Variants in PLAGL1 observed in about 807,000 individuals in gnomAD.
PLAGL1 encodes the protein zinc finger protein PLAGL1.
Under a neutral mutation model 4.6 loss-of-function variants are expected in PLAGL1, and 1 was observed. The observed-to-expected ratio is 0.22, with a 90% CI of 0.08 to 1.03. The LOEUF (loss-of-function observed/expected upper bound fraction) is 1.03. Ranked by LOEUF, PLAGL1 falls within the 50% of genes least tolerant of loss-of-function variation. PLAGL1 has a pLI of 0.58. For synonymous variants in PLAGL1, 240 were observed against 237.8 expected, an observed-to-expected ratio of 1.01 and a Z score of -0.08; for missense variants, 464 against 570.4, an observed-to-expected ratio of 0.81 and a Z score of 1.90.
At chr6:143,998,651 C>T (rs7762338) in intron 1 of PLAGL1, among the ~76,000 whole-genome samples, 7,486 of 151,782 alleles carry the variant, frequency 0.049, 564 homozygotes, top group African/African-American at 0.16. Flanking sequence ...AGATTGGTGA[C>T]GAAAGGTAAG....
chr6:144,019,790 T>A (rs1179422391), intron 1 of PLAGL1, among the ~76,000 whole-genome samples: 5 of 144,250 alleles, frequency 3.5e-5, no homozygotes, highest in Admixed American at 6.9e-5. Context: ...AAAAGTTACT[T>A]AAAAAAAAAA....
At chr6:144,047,403 CTATT>C (rs1798246846) in intron 1 of PLAGL1, among the ~76,000 whole-genome samples, 3 of 152,180 alleles carry the variant, frequency 2.0e-5, no homozygotes, top group Admixed American at 6.5e-5. Context: ...TAAGCTCTAT[CTATT>C]AGTGCATTCT....
chr6:143,976,909 T>C (rs933097729), intron 2 of PLAGL1, among the ~76,000 whole-genome samples: 1 of 152,146 alleles, frequency 6.6e-6, no homozygotes, highest in Non-Finnish European at 1.5e-5. Flanking sequence ...CAAATTCCTG[T>C]CTAAGCATTG....
intron 7 of PLAGL1, among the ~76,000 whole-genome samples, chr6:143,943,962 G>A (rs2128508136): frequency 6.6e-6 from 1 of 152,198 alleles, no homozygotes; most frequent in South Asian, 2.1e-4. Context: ...CTTTAAAAAG[G>A]TTCATTTTAA....
rs956680841 is a variant in PLAGL1, at chr6:143,953,069, G to A, written c.-324-4609C>T. On this transcript the variant is annotated intron_variant, in intron 6 of 7. Coordinates refer to ENST00000674357, the MANE Select transcript of PLAGL1 (RefSeq NM_001317162.2). The surrounding 1 kb of genome is among the most constrained non-coding windows in gnomAD (Gnocchi z 5.3). ...AGTGCTACTTTCTCTCACGCTTCTG[G>A]CTTTCTCCCTCCTGGAATGTCCTGG... Among the ~76,000 whole-genome samples, 1 of 152,176 alleles carries A rather than the reference G, an allele frequency of 6.6e-6. No homozygotes were observed. The highest frequency in any genetic ancestry group is 2.4e-5 in the African/African-American group (1 of 41,426).
Position 143,982,800 on chromosome 6 carries a change from C to T in PLAGL1, c.-544+2335G>A, listed in dbSNP as rs73781343. Among the ~76,000 whole-genome samples, 1,285 of 152,102 alleles carry T rather than the reference C, an allele frequency of 8.4e-3. 11 individuals are homozygous for T. Among genetic ancestry groups the T allele is most frequent in the African/African-American group, 0.029 (1,185 of 41,468 alleles). ...ACTGGAAGAAGAGTCTTCCTCATCT[C>T]GGTAAATGGCTACTTAGGATGAAGG... On this transcript the variant is annotated intron_variant, in intron 2 of 7. Transcript: ENST00000674357. This position sits in a 1 kb window ranked among gnomAD's most constrained non-coding sequence, Gnocchi z 5.3.
intron 1 of PLAGL1, among the ~76,000 whole-genome samples, chr6:144,019,553 A>C (rs2128696650): frequency 6.6e-6 from 1 of 152,302 alleles, no homozygotes; most frequent in East Asian, 1.9e-4. Context: ...TATTGTACTA[A>C]TGTTAAATTT....
chr6:144,025,342 A>G (rs1047975207), intron 1 of PLAGL1, among the ~76,000 whole-genome samples: 4 of 152,330 alleles, frequency 2.6e-5, no homozygotes, highest in Admixed American at 2.6e-4. Flanking sequence ...AGACTTTGTG[A>G]CTAAATGTAA....
chr6:144,007,635 T>G (rs1270939284), intron 1 of PLAGL1: 1 of 152,176 alleles, frequency 6.6e-6, no homozygotes, highest in East Asian at 1.9e-4. Flanking sequence ...CTTTTAAGAG[T>G]ATGTCTGATA....
chr6:143,962,504 G>A lies in PLAGL1; in HGVS notation c.-398-1962C>T, dbSNP rs1583228833. ...TAGTTAATTGTTTTAAATGAAGGGG[G>A]AAATATTTTTTGGAAAGTTTGTTTA... On this transcript the variant is annotated intron_variant, in intron 5 of 7. Transcript: ENST00000674357. This position sits in a 1 kb window ranked among gnomAD's most constrained non-coding sequence, Gnocchi z 5.3. Among the ~76,000 whole-genome samples, 1 of 152,216 alleles carries A rather than the reference G, an allele frequency of 6.6e-6. No individual in the cohort carries two copies. Among genetic ancestry groups the A allele is most frequent in the Non-Finnish European group, 1.5e-5 (1 of 68,038 alleles).
chr6:144,058,106 A>G (rs926831707), intron 1 of PLAGL1, among the ~76,000 whole-genome samples: 4 of 152,206 alleles, frequency 2.6e-5, no homozygotes, highest in Non-Finnish European at 5.9e-5. Context: ...TAATTGGCTT[A>G]TGTTTCTGTA....
In PLAGL1 at chr6:143,942,002, C is replaced by A. The variant is rs765875826; in HGVS notation, c.814G>T (p.Ala272Ser). Residue 272 changes from alanine to serine, a missense_variant, in exon 8 of 8, where the codon GCC becomes TCC. This residue lies in a region of PLAGL1 where 248 missense variants were observed against 250.1 expected (regional missense o/e 0.99). Transcript: ENST00000674357. The surrounding 1 kb of genome is among the most constrained non-coding windows in gnomAD (Gnocchi z 7.6). The stretch of plus-strand genomic sequence containing the variant: ...TCTGGCAGCGGCTGCATAGGCTGGG[C>A]GGCTTGTTCTGGGGGACTGAGGGTG... ...SLTLSPPEQA[A>S]QPMQPLPESL... The A allele has an allele frequency of 1.3e-6, 2 of 1,592,116 alleles. No homozygotes were observed. Among genetic ancestry groups the A allele is most frequent in the South Asian group, 2.3e-5 (2 of 86,808 alleles).
rs1286328295 is a variant in PLAGL1, at chr6:143,973,394, T to C, written c.-543-4416A>G. ...CCTACATTCCAGTGACAGTTCAGAA[T>C]GCTAACCATGACAAACCAGCACAAT... On this transcript the variant is annotated intron_variant, in intron 2 of 7. Coordinates refer to ENST00000674357, the MANE Select transcript of PLAGL1 (RefSeq NM_001317162.2). This position sits in a 1 kb window ranked among gnomAD's most constrained non-coding sequence, Gnocchi z 6.2. Among the ~76,000 whole-genome samples, 1 of 152,154 alleles carries C rather than the reference T, an allele frequency of 6.6e-6. No individual in the cohort carries two copies. Among genetic ancestry groups the C allele is most frequent in the African/African-American group, 2.4e-5 (1 of 41,424 alleles).
intron 1 of PLAGL1, among the ~76,000 whole-genome samples, chr6:144,018,349 G>C (rs996365228): frequency 1.3e-5 from 2 of 152,176 alleles, no homozygotes; most frequent in East Asian, 3.9e-4. Flanking sequence ...AGTAGACAGA[G>C]AGTAGAATGC....
intron 1 of PLAGL1, among the ~76,000 whole-genome samples, chr6:144,047,599 A>C (rs1245157881): frequency 6.6e-6 from 1 of 152,056 alleles, no homozygotes; most frequent in Non-Finnish European, 1.5e-5. Flanking sequence ...CCCTTATAAA[A>C]CCATCAGATA....
At chr6:144,024,505 C>A (rs1037352832) in intron 1 of PLAGL1, among the ~76,000 whole-genome samples, 1 of 152,186 alleles carries the variant, frequency 6.6e-6, no homozygotes, top group South Asian at 2.1e-4. Flanking sequence ...GTTCTCTGTA[C>A]AAGCTCTCTT....
chr6:143,977,790 G>A (rs1476176258), intron 2 of PLAGL1, among the ~76,000 whole-genome samples: 1 of 152,062 alleles, frequency 6.6e-6, no homozygotes, highest in Non-Finnish European at 1.5e-5. Context: ...GTGAGCCACT[G>A]CACCCGGCCA....
intron 1 of PLAGL1, among the ~76,000 whole-genome samples, chr6:144,058,971 A>G (rs999722402): frequency 2.0e-5 from 3 of 151,586 alleles, no homozygotes; most frequent in Non-Finnish European, 4.4e-5. Context: ...CCTTCCCACA[A>G]CTCCACTAGG....
intron 1 of PLAGL1, among the ~76,000 whole-genome samples, chr6:144,033,954 A>G (rs1797023772): frequency 6.6e-6 from 1 of 152,250 alleles, no homozygotes; most frequent in South Asian, 2.1e-4. Context: ...CAAACACTCA[A>G]GAATGTAGAA....
Sources: gnomAD v4.1 joint callset for allele counts (sites outside exome capture counted in the v4.1 genomes callset) on GRCh38, gnomAD v4.1.1 for gene constraint, gnomAD v4.1.1 regional missense constraint, Gnocchi (gnomAD v3.1) non-coding constraint, MANE v1.5 for transcripts, NCBI Gene and HGNC (gene_info 2026-07-23, HGNC 2026-07-21) for gene names.